SGCZ: variants seen among roughly 807,000 people sequenced by gnomAD.
The protein encoded by SGCZ is zeta-sarcoglycan.
A neutral mutation model predicts 41.3 loss-of-function variants in SGCZ; 40 were observed. The ratio of observed to expected loss-of-function variants is 0.97; its 90% confidence interval spans 0.75 to 1.26. The LOEUF (loss-of-function observed/expected upper bound fraction) is 1.26, where lower values mean the gene tolerates loss of function less well. Ranked by LOEUF, SGCZ falls within the 50% of genes most tolerant of loss-of-function variation. The pLI, the probability that SGCZ is intolerant of heterozygous loss-of-function variation, is 0.00. For synonymous variants in SGCZ, 206 were observed against 137.5 expected (o/e 1.50, Z -3.49); for missense variants, 552 against 369.8 (o/e 1.49, Z -4.04).
At chr8:15,010,639 C>G (rs1311168356) in intron 1 of SGCZ, among the ~76,000 whole-genome samples, 6 of 152,122 alleles carry the variant, frequency 3.9e-5, no homozygotes, top group Non-Finnish European at 5.9e-5. Flanking sequence ...CTTTTAACAG[C>G]CTGATGATGG....
At chr8:14,947,718 T>A (rs1168277150) in intron 1 of SGCZ, among the ~76,000 whole-genome samples, 1 of 152,226 alleles carries the variant, frequency 6.6e-6, no homozygotes, top group South Asian at 2.1e-4. Context: ...AAGAAAAGCA[T>A]TAAATATGAT....
At chr8:14,678,284 A>G (rs1191100927) in intron 1 of SGCZ, among the ~76,000 whole-genome samples, 12 of 152,224 alleles carry the variant, frequency 7.9e-5, no homozygotes, top group Admixed American at 7.9e-4. Flanking sequence ...AAAATATTGT[A>G]GAAAACATAT....
At chr8:14,416,757 T>C (rs549297700) in intron 2 of SGCZ, among the ~76,000 whole-genome samples, 78 of 151,978 alleles carry the variant, frequency 5.1e-4, no homozygotes, top group Non-Finnish European at 6.5e-4. Flanking sequence ...GCAGATCTTA[T>C]TGATGTCATT....
intron 2 of SGCZ, among the ~76,000 whole-genome samples, chr8:14,501,049 G>A (rs1802137678): frequency 6.6e-6 from 1 of 152,010 alleles, no homozygotes; most frequent in Non-Finnish European, 1.5e-5. Context: ...GATCCTCAAT[G>A]GGTCAAAATC....
intron 1 of SGCZ, among the ~76,000 whole-genome samples, chr8:14,775,810 T>A (rs180717366): frequency 4.4e-4 from 67 of 152,302 alleles, no homozygotes; most frequent in African/African-American, 1.5e-3. Context: ...TGGATTGATA[T>A]GTAAAAATGG....
intron 1 of SGCZ, among the ~76,000 whole-genome samples, chr8:14,651,331 A>G (rs755238181): frequency 4.6e-5 from 7 of 152,118 alleles, no homozygotes; most frequent in Non-Finnish European, 7.3e-5. Flanking sequence ...ATTATTTAGA[A>G]GCATTTCAAA....
At chr8:14,750,712 C>G (rs34497210) in intron 1 of SGCZ, among the ~76,000 whole-genome samples, 6,215 of 152,170 alleles carry the variant, frequency 0.041, 181 homozygotes, top group Non-Finnish European at 0.071. Flanking sequence ...ATATTTGAAG[C>G]ACTGTGAACG....
intron 1 of SGCZ, among the ~76,000 whole-genome samples, chr8:14,779,549 C>G (rs80275440): frequency 1.3e-5 from 2 of 152,072 alleles, no homozygotes; most frequent in Non-Finnish European, 2.9e-5. Flanking sequence ...GAAATGATTG[C>G]TTTAAGCCAC....
intron 2 of SGCZ, among the ~76,000 whole-genome samples, chr8:14,529,981 C>G (rs760462528): frequency 9.2e-5 from 14 of 152,056 alleles, no homozygotes; most frequent in Non-Finnish European, 1.9e-4. Context: ...TGCACAAGTG[C>G]TGCATAATAC....
At chr8:14,211,948 A>C (rs961784711) in intron 4 of SGCZ, among the ~76,000 whole-genome samples, 1 of 152,134 alleles carries the variant, frequency 6.6e-6, no homozygotes, top group African/African-American at 2.4e-5. Context: ...ATACCCAGAA[A>C]GTTCTGAATC....
intron 1 of SGCZ, among the ~76,000 whole-genome samples, chr8:14,632,950 A>G (rs1045777132): frequency 3.3e-5 from 5 of 151,922 alleles, no homozygotes; most frequent in African/African-American, 9.7e-5. Flanking sequence ...TAAATATGAA[A>G]ACTTTTTGCT....
At chr8:15,171,846 C>T (rs964705511) in intron 1 of SGCZ, among the ~76,000 whole-genome samples, 2 of 152,154 alleles carry the variant, frequency 1.3e-5, no homozygotes, top group Non-Finnish European at 2.9e-5. Context: ...AAATCATGAG[C>T]AACTGCATAT....
intron 1 of SGCZ, among the ~76,000 whole-genome samples, chr8:15,231,977 G>T (rs1302415970): frequency 3.3e-5 from 5 of 152,102 alleles, no homozygotes; most frequent in Non-Finnish European, 7.4e-5. Context: ...GAGAGTTTTA[G>T]AAGCTAAGAA....
chr8:14,119,320 A>G (rs1407310894), intron 5 of SGCZ, among the ~76,000 whole-genome samples: 1 of 152,070 alleles, frequency 6.6e-6, no homozygotes, highest in East Asian at 1.9e-4. Flanking sequence ...TTATCTTTAT[A>G]GCAATTGTGA....
chr8:14,189,762 T>G (rs972858774), intron 4 of SGCZ, among the ~76,000 whole-genome samples: 1 of 152,164 alleles, frequency 6.6e-6, no homozygotes, highest in Non-Finnish European at 1.5e-5. Context: ...CTGCTTTGTC[T>G]TATCACTTTT....
chr8:14,524,487 C>T (rs1225260603), intron 2 of SGCZ, among the ~76,000 whole-genome samples: 1 of 152,028 alleles, frequency 6.6e-6, no homozygotes, highest in Non-Finnish European at 1.5e-5. Context: ...TCCCAAAAGG[C>T]AAGAAAGAAA....
chr8:14,336,005 TCTC>T (rs1802493671), intron 2 of SGCZ, among the ~76,000 whole-genome samples: 1 of 152,094 alleles, frequency 6.6e-6, no homozygotes, highest in Non-Finnish European at 1.5e-5. Flanking sequence ...ATACAGATTA[TCTC>T]CTCAACAGGA....
chr8:15,046,566 G>A (rs1804308108), intron 1 of SGCZ, among the ~76,000 whole-genome samples: 1 of 151,882 alleles, frequency 6.6e-6, no homozygotes, highest in Non-Finnish European at 1.5e-5. Context: ...CCCTTCCAGT[G>A]GAGTAAGATA....
chr8:14,828,953 C>T (rs1802433031), intron 1 of SGCZ, among the ~76,000 whole-genome samples: 1 of 143,922 alleles, frequency 6.9e-6, no homozygotes. Context: ...CCTTTGGAGT[C>T]CTTTTTTTTG....
Sources: allele counts gnomAD v4.1 joint callset (sites outside exome capture counted in the v4.1 genomes callset), GRCh38; gene constraint gnomAD v4.1.1; transcripts MANE v1.5; gene names NCBI Gene and HGNC (gene_info 2026-07-23, HGNC 2026-07-21).